The following GPR161 variants were observed in gnomAD, a reference collection of about 807,000 sequenced individuals.
The protein encoded by GPR161 is G protein-coupled receptor 161.
In GPR161, 25 loss-of-function variants were observed where a neutral mutation model predicts 39.2. The observed-to-expected ratio is 0.64, with a 90% CI of 0.47 to 0.89. GPR161 has a LOEUF of 0.89. GPR161 is among the 40% of genes least tolerant of loss of function. The pLI is 0.00. For synonymous variants in GPR161, 286 were observed against 276.6 expected, an observed-to-expected ratio of 1.03 and a Z score of -0.34; for missense variants, 547 against 677.8, an observed-to-expected ratio of 0.81 and a Z score of 2.14.
chr1:168,108,506 A>AAAAAAAAAAAAAAAAAAAAAAAAAAAAG (rs1558117111), intron 1 of GPR161, among the ~76,000 whole-genome samples: 1 of 147,004 alleles, frequency 6.8e-6, no homozygotes, highest in African/African-American at 2.5e-5. Flanking sequence ...AAAAAAAAAA[A>AAAAAAAAAAAAAAAAAAAAAAAAAAAAG]AAAAAACTGG....
chr1:168,096,364 GAAT>G, intron 3 of GPR161, 141 bp downstream of exon 3: 2 of 824,792 alleles, frequency 2.4e-6, no homozygotes, highest in Non-Finnish European at 3.8e-6. Flanking sequence ...GGAGCCTCTG[GAAT>G]GTTTCTTCCG....
At chr1:168,099,378 T>C (rs1226484929) in intron 2 of GPR161, among the ~76,000 whole-genome samples, 1 of 152,102 alleles carries the variant, frequency 6.6e-6, no homozygotes, top group African/African-American at 2.4e-5. Flanking sequence ...TCTATCCCTT[T>C]AAAGAGCACA....
At chr1:168,110,565 AAG>A (rs1299887084) in intron 1 of GPR161, among the ~76,000 whole-genome samples, 2 of 118,888 alleles carry the variant, frequency 1.7e-5, no homozygotes, top group Non-Finnish European at 3.4e-5. Context: ...AAGAAAAGAA[AAG>A]AAAAGAAAAG....
chr1:168,101,827 A>G (rs1486881604), intron 2 of GPR161, among the ~76,000 whole-genome samples: 1 of 151,490 alleles, frequency 6.6e-6, no homozygotes, highest in Non-Finnish European at 1.5e-5. Flanking sequence ...TTTTTTTCAG[A>G]TGGAGTTTTG....
chr1:168,122,351 T>A (rs937374743), intron 1 of GPR161, among the ~76,000 whole-genome samples: 1 of 152,212 alleles, frequency 6.6e-6, no homozygotes, highest in Admixed American at 6.5e-5. Flanking sequence ...ACCACCACTC[T>A]GGTCCAGGCT....
chr1:168,117,057 A>ATT (rs1022353915), intron 1 of GPR161, among the ~76,000 whole-genome samples: 2 of 152,126 alleles, frequency 1.3e-5, no homozygotes, highest in Non-Finnish European at 2.9e-5. Context: ...CCTTCTGCAA[A>ATT]TGCCACTGGG....
rs868668289 is a variant in GPR161 at position 168,096,353 on chromosome 1, C to T, written c.1099+155G>A. On this transcript the variant is annotated intron_variant, in intron 3 of 5. Coordinates refer to ENST00000682931, the MANE Select transcript of GPR161 (RefSeq NM_001375883.1). ...ACAGGAAGCTCCCTGGCAATCACAG[C>T]GGAGCCTCTGGAATGTTTCTTCCGA... 4.6e-5 allele frequency among the ~76,000 whole-genome samples: 7 copies of T among 152,050 alleles called. No individual in the cohort carries two copies. The South Asian group carries it at 6.2e-4, about 14-fold the overall frequency.
At chr1:168,100,565 G>T (rs969571222) in intron 2 of GPR161, among the ~76,000 whole-genome samples, 1 of 152,142 alleles carries the variant, frequency 6.6e-6, no homozygotes, top group Admixed American at 6.5e-5. Flanking sequence ...ATGTGGGAAG[G>T]GGCTTCCGAT....
At chr1:168,126,501 G>A (rs911658224) in intron 1 of GPR161, among the ~76,000 whole-genome samples, 4 of 152,142 alleles carry the variant, frequency 2.6e-5, no homozygotes, top group African/African-American at 9.7e-5. Context: ...TCACAGCCTG[G>A]AGTGCAGTGG....
intron 4 of GPR161, 136 bp downstream of exon 4, chr1:168,090,428 T>C (rs973333625): frequency 9.1e-6 from 5 of 547,270 alleles, no homozygotes; most frequent in African/African-American, 3.8e-5. Context: ...CCCAGACTTA[T>C]GATTCTCACC....
Position 168,104,856 on chromosome 1 carries a change from G to T in GPR161, c.-6C>A. On this transcript the variant is annotated 5_prime_UTR_variant, in exon 2 of 6. In the 5' UTR this introduces an upstream ATG that the reference lacks. Transcript: ENST00000682931. ...AGGGAGGAGTTGAGGCTCATGGTCA[G>T]TGCACCTCGGCGTGGGGTGGGCAGA... 1 of 1,612,568 alleles carries T rather than the reference G, an allele frequency of 6.2e-7. No homozygotes were observed. The highest frequency in any genetic ancestry group is 8.5e-7 in the Non-Finnish European group (1 of 1,178,780).
chr1:168,110,158 C>T (rs182889299), intron 1 of GPR161, among the ~76,000 whole-genome samples: 13 of 152,132 alleles, frequency 8.5e-5, no homozygotes, highest in Admixed American at 3.3e-4. Flanking sequence ...CGACAGTCAA[C>T]AACAACAGCA....
rs142792333 is a variant in GPR161, at chr1:168,119,270, GTA to G, written c.-44-14378_-44-14377del. ...CATATATATATACGTATATATATGT[GTA>G]TATATATATATATATACACATATAT... On this transcript the variant is annotated intron_variant, in intron 1 of 5. Transcript: ENST00000682931. Among the ~76,000 whole-genome samples, 291 of 108,048 alleles carry G rather than the reference GTA, an allele frequency of 2.7e-3. 12 individuals carry two copies. Among genetic ancestry groups the G allele is most frequent in the Admixed American group, 4.8e-3 (54 of 11,294 alleles). 70.9% of individuals were successfully genotyped at this position (108,048 alleles called of 152,430 possible).
intron 1 of GPR161, among the ~76,000 whole-genome samples, chr1:168,132,884 A>G (rs1699106948): frequency 6.6e-6 from 1 of 152,076 alleles, no homozygotes; most frequent in Non-Finnish European, 1.5e-5. Context: ...AGCTGGGATT[A>G]CAGGTGCCCA....
intron 1 of GPR161, among the ~76,000 whole-genome samples, chr1:168,114,290 G>A (rs1697446497): frequency 6.6e-6 from 1 of 152,148 alleles, no homozygotes; most frequent in Non-Finnish European, 1.5e-5. Context: ...GTGGTTAAGA[G>A]CACAGATGCC....
chr1:168,125,447 C>T (rs1487999418), intron 1 of GPR161, among the ~76,000 whole-genome samples: 1 of 152,112 alleles, frequency 6.6e-6, no homozygotes, highest in Non-Finnish European at 1.5e-5. Context: ...ATCAGAAAGG[C>T]CAATATATAA....
At chr1:168,123,537 TACACACAC>T (rs10534836) in intron 1 of GPR161, among the ~76,000 whole-genome samples, 20,979 of 138,092 alleles carry the variant, frequency 0.15, 1,800 homozygotes, top group Admixed American at 0.3. Context: ...TGCACATACA[TACACACAC>T]ACACACACAC....
rs1232330601 is a variant in GPR161 at position 168,083,249 on chromosome 1, A to C, written c.*2282T>G. ...TAAATGAATTGGACCTCAGTAAAAA[A>C]AGGGAAACACAGTGAATCATTTTGT... On this transcript the variant is annotated 3_prime_UTR_variant, in exon 6 of 6. Transcript: ENST00000682931. 1 of 152,264 alleles carries C rather than the reference A, an allele frequency of 6.6e-6. No individual in the cohort carries two copies. Among genetic ancestry groups the C allele is most frequent in the Non-Finnish European group, 1.5e-5 (1 of 68,054 alleles). 9.4% of individuals were successfully genotyped at this position (152,264 alleles called of 1,614,324 possible). A position where few individuals can be genotyped will look rare whatever the true frequency, so the allele number is the denominator to read the frequency against.
At position 168,096,533 on chromosome 1, in the gene GPR161, G is replaced by A. The variant is rs1429937394; in HGVS notation, c.1074C>T (p.Leu358=). 4 of 1,613,934 alleles carry A rather than the reference G, an allele frequency of 2.5e-6. No individual in the cohort carries two copies. The South Asian group carries it at 4.4e-5, about 18-fold the overall frequency. Residue 358 remains leucine (L), a synonymous_variant, in exon 3 of 6, where the codon CTC becomes CTT. Coordinates refer to ENST00000682931, the MANE Select transcript of GPR161 (RefSeq NM_001375883.1). ...CTGTGATCCTGTTGGAAATGCTGAA[G>A]AGCCTGGAAGTCCTCTGTCGTTGCA... ...PFVQRQRTSR[L]FSISNRITDL... is the part of the protein sequence containing the mutation.
Sources: gnomAD v4.1 joint callset for allele counts (sites outside exome capture counted in the v4.1 genomes callset) on GRCh38, gnomAD v4.1.1 for gene constraint, MANE v1.5 for transcripts, NCBI Gene and HGNC (gene_info 2026-07-23, HGNC 2026-07-21) for gene names.